FGFR4: variants seen among roughly 807,000 people sequenced by gnomAD.
The protein encoded by FGFR4 is fibroblast growth factor receptor 4, also known as hydroxyaryl-protein kinase.
In FGFR4, 63 loss-of-function variants were observed where a neutral mutation model predicts 89.9. The ratio of observed to expected loss-of-function variants is 0.70; its 90% CI spans 0.57 to 0.86. The LOEUF is 0.86. Ranked by LOEUF, FGFR4 falls within the 40% of genes least tolerant of loss-of-function variation. The pLI, the probability that FGFR4 is intolerant of heterozygous loss-of-function variation, is 0.00. For missense variants in FGFR4, 928 were observed against 1,106.7 expected (o/e 0.84, Z 2.29); for synonymous variants, 486 against 479.4 (o/e 1.01, Z -0.18).
intron 11 of FGFR4, chr5:177,094,866 GC>G (rs1328246662): frequency 2.3e-5 from 4 of 173,872 alleles, no homozygotes; most frequent in African/African-American, 9.5e-5. Flanking sequence ...CACCCGGCCT[GC>G]CGCCAGCTCC....
At position 177,090,422 on chromosome 5, in the gene FGFR4, G is replaced by A. The variant is rs528745108; in HGVS notation, c.124G>A (p.Glu42Lys). The stretch of plus-strand genomic sequence containing the variant: ...CCTGGCTCCCAGCCTGGAGCAGCAA[G>A]AGCAGGAGCTGACAGTAGCCCTTGG... Reference protein sequence around the residue: ...PCLAPSLEQQEQELTVALGQP... With the variant: ...PCLAPSLEQQKQELTVALGQP... The change falls in exon 3 of 18, where the codon GAG (glutamate) becomes AAG (lysine). Residue 42 changes from glutamate (E) to lysine (K), a missense_variant. Glu to Lys is a moderately conservative substitution (Grantham distance 56). Transcript: ENST00000292408. 1.2e-6 allele frequency: 2 copies of A among 1,604,762 alleles called. No individual in the cohort carries two copies. The highest frequency in any genetic ancestry group is 1.7e-5 in the Admixed American group (1 of 60,010).
At chr5:177,090,335 G>A (rs1784313437) in intron 2 of FGFR4, 55 bp from the exon 3 acceptor site, 2 of 1,598,652 alleles carry the variant, frequency 1.3e-6, no homozygotes, top group African/African-American at 2.7e-5. Flanking sequence ...TTGTACACAG[G>A]AGGCTGCCTC....
intron 11 of FGFR4, among the ~76,000 whole-genome samples, chr5:177,094,341 GTCAGGGC>G (rs1430868590): frequency 6.6e-6 from 1 of 152,194 alleles, no homozygotes; most frequent in Admixed American, 6.5e-5. Flanking sequence ...CTGGCTCATA[GTCAGGGC>G]TCAATAAATC....
chr5:177,091,049 G>A lies in FGFR4; in HGVS notation c.548G>A (p.Arg183His), dbSNP rs149737957. ...PAAGNPTPTI[R>H]WLKDGQAFHG... is the part of the protein sequence containing the mutation. ...GCAGGCAACCCCACGCCCACCATCCGCTGGCTTAAGGATGGACAGGCCTTT... is the reference window on the plus strand; with the variant it reads ...GCAGGCAACCCCACGCCCACCATCCACTGGCTTAAGGATGGACAGGCCTTT... The change falls in exon 5 of 18, where the codon CGC becomes CAC. Residue 183 changes from arginine (R) to histidine (H), a missense_variant. Coordinates refer to ENST00000292408, the MANE Select transcript of FGFR4 (RefSeq NM_213647.3). 2.2e-4 allele frequency: 353 copies of A among 1,607,310 alleles called. 2 individuals carry two copies. Among genetic ancestry groups the A allele is most frequent in the Middle Eastern group, 8.3e-4 (5 of 6,046 alleles).
intron 16 of FGFR4, 64 bp downstream of exon 16, chr5:177,096,805 G>A: frequency 1.3e-6 from 2 of 1,523,546 alleles, no homozygotes; most frequent in East Asian, 4.6e-5. Context: ...CCTGACCATG[G>A]CCTCAGGGTG....
At chr5:177,092,538 G>A (rs1784404233) in intron 7 of FGFR4, 27 bp downstream of exon 7, 1 of 1,563,628 alleles carries the variant, frequency 6.4e-7, no homozygotes, top group Admixed American at 1.8e-5. Context: ...GCTGCAGCCT[G>A]GGCCCCATTC....
chr5:177,089,505 C>T, intron 1 of FGFR4, 45 bp from the exon 2 acceptor site: 3 of 1,484,544 alleles, frequency 2.0e-6, no homozygotes, highest in Non-Finnish European at 2.7e-6. Flanking sequence ...AAAGCCCCCA[C>T]AAAGGTGCAC....
intron 1 of FGFR4, among the ~76,000 whole-genome samples, chr5:177,089,013 A>G (rs759838937): frequency 1.6e-4 from 25 of 152,134 alleles, no homozygotes; most frequent in Admixed American, 6.5e-4. Context: ...AAGCAGAGGT[A>G]TCCAGGGTCG....
rs1396401160 is a variant in FGFR4, at chr5:177,093,663, T to TG, written c.1410dup (p.Lys471GlufsTer25). ...CTTTCTCCATCTCCAGGCTGGTGCTTGGGAAGCCCCTAGGCGAGGGCTGCT... is the reference window on the plus strand; with the variant it reads ...CTTTCTCCATCTCCAGGCTGGTGCTTGGGGAAGCCCCTAGGCGAGGGCTGCT... On this transcript the variant is annotated frameshift_variant, in exon 11 of 18. Transcript: ENST00000292408. LOFTEE classifies it high-confidence loss of function. The surrounding 1 kb of genome is among the most constrained non-coding windows in gnomAD (Gnocchi z 5.8). 6.2e-7 allele frequency: 1 copy of TG among 1,613,992 alleles called. No homozygotes were observed. The highest frequency in any genetic ancestry group is 1.7e-5 in the Admixed American group (1 of 59,998).
intron 5 of FGFR4, among the ~76,000 whole-genome samples, chr5:177,091,469 G>A (rs934936479): frequency 1.3e-5 from 2 of 152,254 alleles, no homozygotes; most frequent in Admixed American, 6.5e-5. Flanking sequence ...CAGCTAGGGA[G>A]AGGGAGAGCT....
At position 177,091,814 on chromosome 5, in the gene FGFR4, C is replaced by G. The variant is rs369336618; in HGVS notation, c.727+6C>G. On this transcript the variant is annotated splice_donor_region_variant and intron_variant, in intron 6 of 17. Transcript: ENST00000292408. ...CTACCTGCTAGATGTGCTGGGTGAG[C>G]GCGGGGCTGGGAACAGGGGAGGCCT... is the stretch of plus-strand genomic sequence containing the variant. 2 of 1,613,926 alleles carry G rather than the reference C, an allele frequency of 1.2e-6. No individual in the cohort carries two copies. Among genetic ancestry groups the G allele is most frequent in the Non-Finnish European group, 1.7e-6 (2 of 1,179,916 alleles).
chr5:177,093,414 G>A lies in FGFR4; in HGVS notation c.1260G>A (p.Leu420=). The change falls in exon 10 of 18, where the codon CTG becomes CTA. Residue 420 remains leucine (L), a synonymous_variant. Coordinates refer to ENST00000292408, the MANE Select transcript of FGFR4 (RefSeq NM_213647.3). This position sits in a 1 kb window ranked among gnomAD's most constrained non-coding sequence, Gnocchi z 5.8. The part of the protein sequence containing the change: ...SRFPLARQFS[L]ESGSSGKSSS... ...AGTCTCCCACTTTGCAGTTCTCCCT[G>A]GAGTCAGGCTCTTCCGGCAAGTCAA... 3 of 1,614,118 alleles carry A rather than the reference G, an allele frequency of 1.9e-6. No individual in the cohort carries two copies. The highest frequency in any genetic ancestry group is 2.2e-5 in the East Asian group (1 of 44,884).
Position 177,095,866 on chromosome 5 carries a change from T to G in FGFR4, c.1821+143T>G. 8.1e-7 allele frequency: 1 copy of G among 1,238,984 alleles called. No individual in the cohort carries two copies. Among genetic ancestry groups the G allele is most frequent in the East Asian group, 2.6e-5 (1 of 39,094 alleles). The allele number at this position is 1,238,984 out of a possible 1,614,324, so 76.7% of individuals were successfully genotyped here. ...CCCCAGGCATTCACGCTTTCCTGCA[T>G]TCCCCACTCGTTCCTCACCCTTCCC... On this transcript the variant is annotated intron_variant, in intron 13 of 17. Transcript: ENST00000292408. The surrounding 1 kb of genome is among the most constrained non-coding windows in gnomAD (Gnocchi z 5.7).
Position 177,090,957 on chromosome 5 carries a change from C to G in FGFR4, c.456C>G (p.Pro152=), listed in dbSNP as rs764387996. ...CTCCAGCACCCTACTGGACACACCC[C>G]CAGCGCATGGAGAAGAAACTGCATG... ...YPQQAPYWTH[P]QRMEKKLHAV... Residue 152 remains proline (P), a synonymous_variant, in exon 5 of 18, where the codon CCC becomes CCG. Coordinates refer to ENST00000292408, the MANE Select transcript of FGFR4 (RefSeq NM_213647.3). The G allele has an allele frequency of 3.1e-6, 5 of 1,614,018 alleles. No homozygotes were observed. The highest frequency in any genetic ancestry group is 4.2e-6 in the Non-Finnish European group (5 of 1,179,976).
At position 177,091,047 on chromosome 5, in the gene FGFR4, C is replaced by T. The variant is rs1171622730; in HGVS notation, c.546C>T (p.Ile182=). The change falls in exon 5 of 18, where the codon ATC becomes ATT. Residue 182 remains isoleucine, a synonymous_variant. Coordinates refer to ENST00000292408, the MANE Select transcript of FGFR4 (RefSeq NM_213647.3). ...CPAAGNPTPT[I]RWLKDGQAFH... ...CTGCAGGCAACCCCACGCCCACCATCCGCTGGCTTAAGGATGGACAGGCCT... is the reference window on the plus strand; with the variant it reads ...CTGCAGGCAACCCCACGCCCACCATTCGCTGGCTTAAGGATGGACAGGCCT... 6.2e-7 allele frequency: 1 copy of T among 1,608,030 alleles called. No individual in the cohort carries two copies.
In FGFR4 at chr5:177,091,077, T is replaced by C. The variant is rs200864630; in HGVS notation, c.576T>C (p.His192=). Residue 192 remains histidine, a synonymous_variant, in exon 5 of 18, where the codon CAT becomes CAC. Transcript: ENST00000292408. ...GGCTTAAGGATGGACAGGCCTTTCA[T>C]GGGGAGAACCGCATTGGAGGCATTC... ...IRWLKDGQAF[H]GENRIGGIRL... The C allele has an allele frequency of 6.3e-7, 1 of 1,594,696 alleles. No homozygotes were observed. Among genetic ancestry groups the C allele is most frequent in the Admixed American group, 1.7e-5 (1 of 59,322 alleles).
chr5:177,091,245 C>G (rs557066318), intron 5 of FGFR4, 141 bp downstream of exon 5: 1 of 1,029,208 alleles, frequency 9.7e-7, no homozygotes, highest in South Asian at 1.8e-5. Context: ...GACTGTGGAC[C>G]TGGGCAGCTC....
rs762942599 is a variant in FGFR4 at position 177,096,230 on chromosome 5, G to C, written c.1944+51G>C. On this transcript the variant is annotated intron_variant, in intron 14 of 17. Coordinates refer to ENST00000292408, the MANE Select transcript of FGFR4 (RefSeq NM_213647.3). ...TGGGGGTGGAGGGGCACTGGGCCCG[G>C]GGTGGCAGGCACGAGGACCTGTGGG... 5 of 1,613,172 alleles carry C rather than the reference G, an allele frequency of 3.1e-6. No individual in the cohort carries two copies. The African/African-American group carries it at 5.3e-5, about 17-fold the overall frequency.
rs1784638515 is a variant in FGFR4, at chr5:177,097,282, C to T, written c.2154-10C>T. On this transcript the variant is annotated splice_polypyrimidine_tract_variant and intron_variant, in intron 16 of 17. Coordinates refer to ENST00000292408, the MANE Select transcript of FGFR4 (RefSeq NM_213647.3). ...AGGCTCCCTGTGACCCTCCGCCCCA[C>T]CTCTCGCAGGTACGGGCTGATGCGT... 1 of 1,587,024 alleles carries T rather than the reference C, an allele frequency of 6.3e-7. No homozygotes were observed.
Sources: gnomAD v4.1 joint callset for allele counts (sites outside exome capture counted in the v4.1 genomes callset) on GRCh38, gnomAD v4.1.1 for gene constraint, Gnocchi (gnomAD v3.1) non-coding constraint, MANE v1.5 for transcripts, NCBI Gene and HGNC (gene_info 2026-07-23, HGNC 2026-07-21) for gene names.